Variants in CFAP77 observed in about 807,000 individuals in gnomAD.
CFAP77 encodes cilia- and flagella-associated protein 77.
A neutral mutation model predicts 31.1 loss-of-function variants in CFAP77; 25 were observed. The ratio of observed to expected loss-of-function variants is 0.80; its 90% CI spans 0.59 to 1.12. The LOEUF (loss-of-function observed/expected upper bound fraction) is 1.12. Among genes scored for constraint, CFAP77 ranks in the 50% most tolerant of loss-of-function variants. The probability of loss-of-function intolerance (pLI) is 0.00; values close to 1 mark genes in which losing one functional copy is unlikely to be tolerated. For synonymous variants in CFAP77, 151 were observed against 159.9 expected (o/e 0.94, Z 0.42); for missense variants, 377 against 397.3 (o/e 0.95, Z 0.44).
At position 132,499,586 on chromosome 9, in the gene CFAP77, T is replaced by G. The variant is rs778352835; in HGVS notation, c.510T>G (p.Phe170Leu). ...CCCCTCTCCCTCCAAACATGACATT[T>G]GGGATCCGGGCACGGTAAGGTGGCT... is the stretch of plus-strand genomic sequence containing the variant. ...EPPPLPPNMT[F>L]GIRARPSTPF... Residue 170 changes from phenylalanine (F) to leucine (L), a missense_variant, in exon 3 of 6, where the codon TTT becomes TTG. Coordinates refer to ENST00000393216, the MANE Select transcript of CFAP77 (RefSeq NM_001282957.2). The surrounding 1 kb of genome is among the most constrained non-coding windows in gnomAD (Gnocchi z 5.4). The G allele has an allele frequency of 1.2e-6, 2 of 1,614,190 alleles. No homozygotes were observed. The highest frequency in any genetic ancestry group is 4.5e-5 in the East Asian group (2 of 44,876).
chr9:132,429,712 C>T (rs115151545), intron 1 of CFAP77, among the ~76,000 whole-genome samples: 6,935 of 150,898 alleles, frequency 0.046, 520 homozygotes, highest in African/African-American at 0.16. Context: ...AAAAGTTAGC[C>T]GGACATGGTC....
At chr9:132,471,020 AT>A (rs1331491752) in intron 1 of CFAP77, among the ~76,000 whole-genome samples, 2 of 152,108 alleles carry the variant, frequency 1.3e-5, no homozygotes, top group African/African-American at 2.4e-5. Context: ...GGATATGTTT[AT>A]TTTTTTTCCT....
At chr9:132,477,315 T>G (rs1037311589) in intron 1 of CFAP77, among the ~76,000 whole-genome samples, 1 of 152,178 alleles carries the variant, frequency 6.6e-6, no homozygotes, top group Non-Finnish European at 1.5e-5. Flanking sequence ...TCAGCAAAGA[T>G]GCATTGAGCA....
intron 3 of CFAP77, among the ~76,000 whole-genome samples, chr9:132,508,171 A>G (rs1169780007): frequency 2.6e-5 from 4 of 152,344 alleles, no homozygotes; most frequent in Admixed American, 6.5e-5. Context: ...CGTTAAAGCC[A>G]GAGATGACAC....
At chr9:132,491,107 T>A (rs1851647353) in intron 1 of CFAP77, among the ~76,000 whole-genome samples, 1 of 152,156 alleles carries the variant, frequency 6.6e-6, no homozygotes. Flanking sequence ...TTCCCGCCAC[T>A]CACAACTCTG....
intron 1 of CFAP77, among the ~76,000 whole-genome samples, chr9:132,471,376 C>A (rs1418849334): frequency 1.3e-5 from 2 of 152,100 alleles, no homozygotes; most frequent in Admixed American, 6.5e-5. Flanking sequence ...TTGGGGCACC[C>A]TGCCTGCCCA....
At chr9:132,551,939 C>T (rs1272711943) in intron 5 of CFAP77, among the ~76,000 whole-genome samples, 1 of 152,196 alleles carries the variant, frequency 6.6e-6, no homozygotes, top group Non-Finnish European at 1.5e-5. Flanking sequence ...GGGCCTGCTC[C>T]GGCTGATTTA....
At chr9:132,484,582 C>A (rs141818146) in intron 1 of CFAP77, among the ~76,000 whole-genome samples, 1 of 152,182 alleles carries the variant, frequency 6.6e-6, no homozygotes, top group Admixed American at 6.5e-5. Context: ...TTCCCGGTTA[C>A]GGCTGAATAA....
chr9:132,557,273 C>T (rs1852920137), intron 5 of CFAP77, among the ~76,000 whole-genome samples: 2 of 152,158 alleles, frequency 1.3e-5, no homozygotes, highest in African/African-American at 2.4e-5. Flanking sequence ...TTGCTGGGCC[C>T]AGGTGTTTCA....
intron 3 of CFAP77, among the ~76,000 whole-genome samples, chr9:132,529,520 C>CT (rs1554748136): frequency 8.1e-6 from 1 of 123,416 alleles, no homozygotes; most frequent in Non-Finnish European, 1.8e-5. Context: ...AAAAAAAAAA[C>CT]AAAAAAAAAA....
chr9:132,486,016 A>ATATATGTATG (rs1851536549), intron 1 of CFAP77, among the ~76,000 whole-genome samples: 1 of 16,356 alleles, frequency 6.1e-5, no homozygotes, highest in Non-Finnish European at 9.6e-5. Flanking sequence ...ATATATATAT[A>ATATATGTATG]TATATATATA....
Position 132,554,629 on chromosome 9 carries a change from G to A in CFAP77, c.732+11582G>A, listed in dbSNP as rs918450434. On this transcript the variant is annotated intron_variant, in intron 5 of 5. Coordinates refer to ENST00000393216, the MANE Select transcript of CFAP77 (RefSeq NM_001282957.2). This position sits in a 1 kb window ranked among gnomAD's most constrained non-coding sequence, Gnocchi z 4.1. ...TAGGATCACAGGCATGAGCCACTAT[G>A]CCCAGCCCTTAAATACCTTGTTTCA... Among the ~76,000 whole-genome samples the A allele has an allele frequency of 6.6e-6, 1 of 152,162 alleles. No individual in the cohort carries two copies. The highest frequency in any genetic ancestry group is 2.4e-5 in the African/African-American group (1 of 41,436).
At position 132,455,961 on chromosome 9, in the gene CFAP77, C is replaced by G. The variant is rs112271818; in HGVS notation, c.196-42734C>G. On this transcript the variant is annotated intron_variant, in intron 1 of 5. Transcript: ENST00000393216. This position sits in a 1 kb window ranked among gnomAD's most constrained non-coding sequence, Gnocchi z 4.1. ...ACCTTGAGCAAGTTATTTATCCACT[C>G]TTAGTTTTCCCTTCTCTAAAATGAG... is the stretch of plus-strand genomic sequence containing the variant. 0.054 allele frequency among the ~76,000 whole-genome samples: 8,263 copies of G among 152,236 alleles called. 763 individuals carry two copies. Among genetic ancestry groups the G allele is most frequent in the African/African-American group, 0.19 (7,780 of 41,484 alleles).
intron 1 of CFAP77, among the ~76,000 whole-genome samples, chr9:132,470,592 G>A (rs910414884): frequency 6.6e-6 from 1 of 152,208 alleles, no homozygotes; most frequent in African/African-American, 2.4e-5. Flanking sequence ...AGAAATTTGG[G>A]CTGTTTCCCA....
chr9:132,535,519 C>T (rs1852527195), intron 3 of CFAP77, among the ~76,000 whole-genome samples: 1 of 152,080 alleles, frequency 6.6e-6, no homozygotes, highest in African/African-American at 2.4e-5. Flanking sequence ...TGAGACCAGC[C>T]TAGTCAACAT....
chr9:132,464,068 G>GTGCT (rs1279498433), intron 1 of CFAP77, among the ~76,000 whole-genome samples: 16 of 152,210 alleles, frequency 1.1e-4, no homozygotes, highest in African/African-American at 3.9e-4. Flanking sequence ...TGCTTACAGT[G>GTGCT]AACGTCTCCA....
chr9:132,414,537 ACACG>A lies in CFAP77; in HGVS notation c.195+4074_195+4077del, dbSNP rs779077788. 4.8e-5 allele frequency among the ~76,000 whole-genome samples: 7 copies of A among 146,492 alleles called. No individual in the cohort carries two copies. In the East Asian group the frequency reaches 1.0e-3, roughly 21 times the overall value. ...CACACACACACACACACACACACAC[ACACG>A]CAGGTATGCACAAATAAGACAGGCA... On this transcript the variant is annotated intron_variant, in intron 1 of 5. Transcript: ENST00000393216.
In CFAP77 at chr9:132,550,510, C is replaced by A. The variant is rs1404221898; in HGVS notation, c.732+7463C>A. Among the ~76,000 whole-genome samples the A allele has an allele frequency of 5.3e-5, 8 of 150,348 alleles. No homozygotes were observed. The East Asian group carries it at 1.6e-3, about 29-fold the overall frequency. ...GGGAGCAGCATCTTCCTCAACATCT[C>A]CCTTGAAGCTTTTTTTTTTTTTTTT... On this transcript the variant is annotated intron_variant, in intron 5 of 5. Transcript: ENST00000393216.
intron 3 of CFAP77, among the ~76,000 whole-genome samples, chr9:132,531,246 A>G (rs1479303379): frequency 6.6e-6 from 1 of 152,200 alleles, no homozygotes; most frequent in Non-Finnish European, 1.5e-5. Flanking sequence ...TCAACAAGAA[A>G]TAATTACTGA....
Sources: gnomAD v4.1 joint callset for allele counts (sites outside exome capture counted in the v4.1 genomes callset) on GRCh38, gnomAD v4.1.1 for gene constraint, Gnocchi (gnomAD v3.1) non-coding constraint, MANE v1.5 for transcripts, NCBI Gene and HGNC (gene_info 2026-07-23, HGNC 2026-07-21) for gene names.